The following GLRX2 variants were observed in gnomAD, a reference collection of about 807,000 sequenced individuals.
GLRX2 encodes bA101E13.1 (GRX2 glutaredoxin (thioltransferase) 2).
A neutral mutation model predicts 16.4 loss-of-function variants in GLRX2; 12 were observed. The observed-to-expected ratio is 0.73, with a 90% CI of 0.47 to 1.19. The LOEUF is 1.19. Ranked by LOEUF, GLRX2 falls within the 50% of genes most tolerant of loss-of-function variation. The pLI, the probability that GLRX2 is intolerant of heterozygous loss-of-function variation, is 0.00. For missense variants in GLRX2, 201 were observed against 201.8 expected (o/e 1.00, Z 0.02); for synonymous variants, 95 against 76.2 (o/e 1.25, Z -1.28).
intron 2 of GLRX2, among the ~76,000 whole-genome samples, chr1:193,099,468 G>A (rs1219953496): frequency 6.6e-6 from 1 of 152,172 alleles, no homozygotes; most frequent in Non-Finnish European, 1.5e-5. Context: ...AGCCTGCCAA[G>A]TGTCTGGGAC....
intron 2 of GLRX2, among the ~76,000 whole-genome samples, chr1:193,098,546 A>C (rs1187224177): frequency 2.0e-5 from 3 of 152,012 alleles, no homozygotes; most frequent in Non-Finnish European, 2.9e-5. Context: ...AACAAACAAA[A>C]AAACCAAAAC....
In GLRX2 at chr1:193,105,172, G is replaced by A. The variant is rs1675161810; in HGVS notation, c.119+92C>T. 5 of 1,423,682 alleles carry A rather than the reference G, an allele frequency of 3.5e-6. No homozygotes were observed. The South Asian group carries it at 7.6e-5, about 22-fold the overall frequency. 88.2% of individuals were successfully genotyped at this position (1,423,682 alleles called of 1,614,324 possible). On this transcript the variant is annotated intron_variant, in intron 1 of 3. Coordinates refer to ENST00000367439, the MANE Select transcript of GLRX2 (RefSeq NM_197962.3). ...TAGTACGCCTCGCCCACCCGGCGCCGGGGCAAAGGGGCACCTCCGCCCACC... is the reference window on the plus strand; with the variant it reads ...TAGTACGCCTCGCCCACCCGGCGCCAGGGCAAAGGGGCACCTCCGCCCACC...
At chr1:193,097,524 T>G in intron 3 of GLRX2, 60 bp downstream of exon 3, 4 of 1,325,394 alleles carry the variant, frequency 3.0e-6, no homozygotes, top group Non-Finnish European at 4.1e-6. Context: ...GGTTCTAGGC[T>G]CTGGGTGATC....
intron 2 of GLRX2, among the ~76,000 whole-genome samples, chr1:193,099,773 G>T (rs1675036020): frequency 6.6e-6 from 1 of 152,150 alleles, no homozygotes; most frequent in African/African-American, 2.4e-5. Context: ...CCAGCTGTCT[G>T]CAAGTTGGTC....
At chr1:193,105,200 T>C in intron 1 of GLRX2, 64 bp downstream of exon 1, 2 of 1,487,448 alleles carry the variant, frequency 1.3e-6, no homozygotes, top group Non-Finnish European at 1.8e-6. Context: ...CGCCCACCGC[T>C]TTCTCCAGAC....
chr1:193,103,258 A>C (rs570009434), intron 1 of GLRX2, among the ~76,000 whole-genome samples: 8 of 152,208 alleles, frequency 5.3e-5, no homozygotes, highest in Non-Finnish European at 1.2e-4. Flanking sequence ...AGAAGTAAAA[A>C]ATTCATGGCA....
chr1:193,105,242 C>G lies in GLRX2; in HGVS notation c.119+22G>C, dbSNP rs752888932. On this transcript the variant is annotated intron_variant, in intron 1 of 3. Coordinates refer to ENST00000367439, the MANE Select transcript of GLRX2 (RefSeq NM_197962.3). ...AAGGCCTGCGCACCACGCCGCGGCA[C>G]TCCTGCCCGCTGACCCCGTACCCAG... 32 of 1,531,166 alleles carry G rather than the reference C, an allele frequency of 2.1e-5. 1 individual carries two copies. The South Asian group carries it at 3.6e-4, about 17-fold the overall frequency. 94.8% of individuals were successfully genotyped at this position (1,531,166 alleles called of 1,614,324 possible).
intron 2 of GLRX2, among the ~76,000 whole-genome samples, chr1:193,100,380 A>G (rs939350188): frequency 6.6e-6 from 1 of 152,218 alleles, no homozygotes; most frequent in Admixed American, 6.5e-5. Context: ...AGGCTGAGGC[A>G]GGAGAATTGC....
chr1:193,103,962 G>A (rs753454252), intron 1 of GLRX2, among the ~76,000 whole-genome samples: 18 of 152,194 alleles, frequency 1.2e-4, no homozygotes, highest in Non-Finnish European at 1.8e-4. Flanking sequence ...AGGCAGCACT[G>A]GCCTAGCCCT....
rs1675169020 is a variant in GLRX2 at position 193,105,316 on chromosome 1, A to G, written c.67T>C (p.Trp23Arg). The change falls in exon 1 of 4, where the codon TGG becomes CGG. Residue 23 changes from tryptophan to arginine, a missense_variant. Transcript: ENST00000367439. ...GCAGCTCCCGCCGCCCTGTCAAGCC[A>G]GCCTGCCGAGCCGCTCCTGCTCCAA... Reference protein sequence around the residue: ...LVWSRSGSAGWLDRAAGAAGA... With the variant: ...LVWSRSGSAGRLDRAAGAAGA... 15 of 1,534,160 alleles carry G rather than the reference A, an allele frequency of 9.8e-6. No homozygotes were observed. The highest frequency in any genetic ancestry group is 1.2e-5 in the Non-Finnish European group (14 of 1,149,788).
Position 193,101,127 on chromosome 1 carries a change from C to G in GLRX2, c.183+14G>C, listed in dbSNP as rs35923929. The G allele has an allele frequency of 1.5e-3, 2,353 of 1,579,580 alleles. 36 individuals carry two copies. The African/African-American group carries it at 0.027, about 18-fold the overall frequency. ...ACAGAGGAAAGTTTTTCAATCATCT[C>G]CCACATCACTCACTTGGATCTGGTT... is the stretch of plus-strand genomic sequence containing the variant. On this transcript the variant is annotated intron_variant, in intron 2 of 3. Coordinates refer to ENST00000367439, the MANE Select transcript of GLRX2 (RefSeq NM_197962.3).
Position 193,103,641 on chromosome 1 carries a change from T to C in GLRX2, c.119+1623A>G, listed in dbSNP as rs573348957. Reference sequence around the variant, plus strand: ...GTCCACCACGGATAAGGGGGAACGATTATGATATCAGCTCACCTAGAGTGA... The same window carrying C: ...GTCCACCACGGATAAGGGGGAACGACTATGATATCAGCTCACCTAGAGTGA... On this transcript the variant is annotated intron_variant, in intron 1 of 3. Transcript: ENST00000367439. 2.6e-5 allele frequency among the ~76,000 whole-genome samples: 4 copies of C among 152,266 alleles called. No homozygotes were observed. In the South Asian group the frequency reaches 8.3e-4, roughly 32 times the overall value.
chr1:193,100,211 A>T (rs1487206577), intron 2 of GLRX2, among the ~76,000 whole-genome samples: 4 of 152,238 alleles, frequency 2.6e-5, no homozygotes, highest in African/African-American at 9.6e-5. Flanking sequence ...ACGGTGGCTC[A>T]TGCTTGTAAT....
In GLRX2 at chr1:193,104,414, G is replaced by A. The variant is rs1024971081; in HGVS notation, c.119+850C>T. Among the ~76,000 whole-genome samples the A allele has an allele frequency of 2.0e-5, 3 of 152,200 alleles. No homozygotes were observed. In the South Asian group the frequency reaches 6.2e-4, roughly 32 times the overall value. On this transcript the variant is annotated intron_variant, in intron 1 of 3. Coordinates refer to ENST00000367439, the MANE Select transcript of GLRX2 (RefSeq NM_197962.3). ...GATACGCAGAAAAAAACACGGCGGG[G>A]CCTCAAAGAGCTGTCAAACACTTAA...
intron 1 of GLRX2, among the ~76,000 whole-genome samples, chr1:193,103,598 C>A (rs540311270): frequency 6.6e-6 from 1 of 152,170 alleles, no homozygotes; most frequent in South Asian, 2.1e-4. Flanking sequence ...TAGGCATCCA[C>A]CGAGGGTCTT....
At position 193,096,773 on chromosome 1, in the gene GLRX2, A is replaced by G. The variant is rs772105735; in HGVS notation, c.361-14T>C. On this transcript the variant is annotated splice_polypyrimidine_tract_variant and intron_variant, in intron 3 of 3. Transcript: ENST00000367439. ...TATTCTTGGAACCTGTTGGACAAAC[A>G]AAAGAAGAATTAGGCTTTACTCTAG... is the stretch of plus-strand genomic sequence containing the variant. 1 of 1,594,618 alleles carries G rather than the reference A, an allele frequency of 6.3e-7. No homozygotes were observed. The highest frequency in any genetic ancestry group is 8.5e-7 in the Non-Finnish European group (1 of 1,170,668).
At chr1:193,105,225 C>A (rs774876089) in intron 1 of GLRX2, 39 bp downstream of exon 1, 4 of 1,527,864 alleles carry the variant, frequency 2.6e-6, no homozygotes, top group Non-Finnish European at 3.5e-6. Flanking sequence ...GCAAGGCCTG[C>A]GCACCACGCC....
intron 2 of GLRX2, among the ~76,000 whole-genome samples, chr1:193,098,532 A>T (rs1395132533): frequency 6.6e-6 from 1 of 152,036 alleles, no homozygotes; most frequent in East Asian, 1.9e-4. Flanking sequence ...AAAACAAACA[A>T]ACAAACAAAC....
upstream of GLRX2, chr1:193,105,988 C>A (rs374299609): frequency 2.7e-5 from 24 of 902,914 alleles, no homozygotes; most frequent in Admixed American, 1.2e-4. Context: ...CACCACCTGC[C>A]AAAAAAAAAA....
Sources: allele counts gnomAD v4.1 joint callset (sites outside exome capture counted in the v4.1 genomes callset), GRCh38; gene constraint gnomAD v4.1.1; transcripts MANE v1.5; gene names NCBI Gene and HGNC (gene_info 2026-07-23, HGNC 2026-07-21).